TMEM41A: variants seen among roughly 807,000 people sequenced by gnomAD.
The protein encoded by TMEM41A is transmembrane protein 41A.
In TMEM41A, 20 loss-of-function variants were observed where a neutral mutation model predicts 25.7. The ratio of observed to expected loss-of-function variants is 0.78; its 90% CI spans 0.55 to 1.13. TMEM41A has a LOEUF of 1.13. TMEM41A is among the 50% of genes most tolerant of loss of function. TMEM41A has a pLI of 0.00. For missense variants in TMEM41A, 299 were observed against 314.3 expected (o/e 0.95, Z 0.37); for synonymous variants, 133 against 139.6 (o/e 0.95, Z 0.33).
chr3:185,494,409 C>G (rs1719038870), intron 4 of TMEM41A: 1 of 511,896 alleles, frequency 2.0e-6, no homozygotes, highest in Non-Finnish European at 3.2e-6. Flanking sequence ...AATGGACAAT[C>G]TTTATTTAGT....
Position 185,493,327 on chromosome 3 carries a change from A to C in TMEM41A, c.574+1296T>G, listed in dbSNP as rs1312923513. The stretch of plus-strand genomic sequence containing the variant: ...GGTCATATAATTGTCAAAGGCAAGG[A>C]GAAACTTTAGATATCGTCTAATTCA... On this transcript the variant is annotated intron_variant, in intron 4 of 4. Coordinates refer to ENST00000421852, the MANE Select transcript of TMEM41A (RefSeq NM_080652.4). The C allele has an allele frequency of 1.5e-4, 20 of 132,020 alleles. No homozygotes were observed. The Admixed American group carries it at 1.5e-3, about 10-fold the overall frequency. The allele number at this position is 132,020 out of a possible 1,614,324, so 8.2% of individuals were successfully genotyped here. A position where few individuals can be genotyped will look rare whatever the true frequency, so the allele number is the denominator to read the frequency against.
In TMEM41A at chr3:185,494,654, G is replaced by A. The variant is rs1234939765; in HGVS notation, c.543C>T (p.Pro181=). Residue 181 remains proline (P), a synonymous_variant, in exon 4 of 5, where the codon CCC becomes CCT. Coordinates refer to ENST00000421852, the MANE Select transcript of TMEM41A (RefSeq NM_080652.4). ...LNLSAPILNI[P]IVQFFFSVLI... is the part of the protein sequence containing the mutation. ...GAACTGAGAAGAAGAACTGCACGAT[G>A]GGAATGTTCAGAATTGGGGCCGAGA... is the stretch of plus-strand genomic sequence containing the variant. The A allele has an allele frequency of 2.5e-6, 4 of 1,610,544 alleles. No individual in the cohort carries two copies. Among genetic ancestry groups the A allele is most frequent in the East Asian group, 4.5e-5 (2 of 44,756 alleles).
intron 4 of TMEM41A, 155 bp downstream of exon 4, chr3:185,494,468 A>G (rs944890075): frequency 1.1e-6 from 1 of 887,106 alleles, no homozygotes; most frequent in African/African-American, 1.7e-5. Flanking sequence ...GCAGATCTGA[A>G]ATCAGGAATC....
rs1227970426 is a variant in TMEM41A at position 185,490,488 on chromosome 3, C to G, written c.*1049G>C. The G allele has an allele frequency of 6.6e-6, 1 of 152,226 alleles. No homozygotes were observed. The highest frequency in any genetic ancestry group is 2.4e-5 in the African/African-American group (1 of 41,460). 9.4% of individuals were successfully genotyped at this position (152,226 alleles called of 1,614,324 possible). A position where few individuals can be genotyped will look rare whatever the true frequency, so the allele number is the denominator to read the frequency against. ...CAGATGGGTAAGAATTTCTCCAGAA[C>G]ATATCCATGACATACAGCGTTTGCT... On this transcript the variant is annotated 3_prime_UTR_variant, in exon 5 of 5. Transcript: ENST00000421852.
chr3:185,498,924 C>A lies in TMEM41A; in HGVS notation c.38G>T (p.Gly13Val). ...PLLGLLLVFA[G>V]CTFALYLLST... ...CAGCAAGTACAAGGCGAAGGTGCAG[C>A]CGGCGAAGACCAGAAGGAGGCCGAG... Residue 13 changes from glycine to valine, a missense_variant, in exon 1 of 5, where the codon GGC becomes GTC. Gly to Val is a moderately radical substitution (Grantham distance 109). Transcript: ENST00000421852. The A allele has an allele frequency of 6.2e-7, 1 of 1,604,582 alleles. No homozygotes were observed.
In TMEM41A at chr3:185,489,984, G is replaced by A. The variant is rs945474964; in HGVS notation, c.*1553C>T. The A allele has an allele frequency of 9.2e-5, 14 of 152,164 alleles. No individual in the cohort carries two copies. The highest frequency in any genetic ancestry group is 3.4e-4 in the African/African-American group (14 of 41,438). 9.4% of individuals were successfully genotyped at this position (152,164 alleles called of 1,614,324 possible). A position where few individuals can be genotyped will look rare whatever the true frequency, so the allele number is the denominator to read the frequency against. The stretch of plus-strand genomic sequence containing the variant: ...CCCAAGAATTCATGTAGAACAAGAG[G>A]CATAGATTAAAGTCTTGGCAAGACT... On this transcript the variant is annotated 3_prime_UTR_variant, in exon 5 of 5. Transcript: ENST00000421852.
intron 4 of TMEM41A, 42 bp from the exon 5 acceptor site, chr3:185,491,799 C>A: frequency 6.2e-6 from 9 of 1,456,776 alleles, no homozygotes; most frequent in African/African-American, 1.4e-5. Flanking sequence ...CAAGCAGCAG[C>A]AAAATTAAGA....
chr3:185,498,616 C>CCA, intron 1 of TMEM41A: 1 of 510,484 alleles, frequency 2.0e-6, no homozygotes, highest in South Asian at 2.6e-5. Context: ...GCAGCCAGCA[C>CCA]CACACAGGTC....
chr3:185,498,087 C>T (rs1264624005), intron 1 of TMEM41A, among the ~76,000 whole-genome samples: 1 of 108,704 alleles, frequency 9.2e-6, no homozygotes, highest in African/African-American at 3.5e-5. Context: ...TGAGACCCCC[C>T]CCCCGCGTCC....
intron 3 of TMEM41A, 121 bp from the exon 4 acceptor site, chr3:185,494,882 C>T (rs866961175): frequency 1.6e-6 from 2 of 1,248,282 alleles, no homozygotes; most frequent in Non-Finnish European, 1.1e-6. Flanking sequence ...CTTCCAACAA[C>T]CCTCCAGGGA....
intron 2 of TMEM41A, 158 bp from the exon 3 acceptor site, chr3:185,495,473 C>T: frequency 1.4e-6 from 1 of 695,800 alleles, no homozygotes; most frequent in African/African-American, 1.8e-5. Context: ...CAGGATCTCG[C>T]TCTGTCACCC....
chr3:185,497,068 T>C, intron 1 of TMEM41A, 87 bp from the exon 2 acceptor site: 4 of 1,471,774 alleles, frequency 2.7e-6, no homozygotes, highest in Non-Finnish European at 3.6e-6. Flanking sequence ...CTTTTCAGAG[T>C]AGGTTTATAA....
At chr3:185,491,873 C>G in intron 4 of TMEM41A, 116 bp from the exon 5 acceptor site, 1 of 681,756 alleles carries the variant, frequency 1.5e-6, no homozygotes, top group Non-Finnish European at 2.4e-6. Flanking sequence ...GACTCTTGAC[C>G]CTTATACATA....
rs1401385319 is a variant in TMEM41A, at chr3:185,494,696, T to G, written c.501A>C (p.Pro167=). 4.3e-6 allele frequency: 7 copies of G among 1,613,026 alleles called. No homozygotes were observed. Among genetic ancestry groups the G allele is most frequent in the Middle Eastern group, 1.6e-4 (1 of 6,080 alleles). ...LLFLRLFPMT[P]NWFLNLSAPI... ...GGGCCGAGAGGTTCAAGAACCAGTT[T>G]GGTGTCATGGGGAAAAGTCTCAAAA... The change falls in exon 4 of 5, where the codon CCA becomes CCC. Residue 167 remains proline, a synonymous_variant. Transcript: ENST00000421852.
In TMEM41A at chr3:185,498,915, A is replaced by G; in HGVS notation, c.47T>C (p.Phe16Ser). The change falls in exon 1 of 5, where the codon TTC becomes TCC. Residue 16 changes from phenylalanine (F) to serine (S), a missense_variant. Coordinates refer to ENST00000421852, the MANE Select transcript of TMEM41A (RefSeq NM_080652.4). ...TCGCGTCGACAGCAAGTACAAGGCG[A>G]AGGTGCAGCCGGCGAAGACCAGAAG... is the stretch of plus-strand genomic sequence containing the variant. ...GLLLVFAGCT[F>S]ALYLLSTRLP... The G allele has an allele frequency of 6.2e-7, 1 of 1,606,134 alleles. No homozygotes were observed. The highest frequency in any genetic ancestry group is 8.5e-7 in the Non-Finnish European group (1 of 1,177,016).
intron 1 of TMEM41A, 35 bp downstream of exon 1, chr3:185,498,789 GTCCTCGGACCCGGCTCCCT>G: frequency 3.7e-6 from 5 of 1,341,838 alleles, no homozygotes; most frequent in Non-Finnish European, 5.1e-6. Flanking sequence ...CCCAGCCCCG[GTCCTCGGACCCGGCTCCCT>G]TCCTCTGACC....
intron 2 of TMEM41A, chr3:185,496,536 G>A (rs933159466): frequency 2.3e-6 from 1 of 436,332 alleles, no homozygotes; most frequent in Non-Finnish European, 4.3e-6. Context: ...TCTTGGACAT[G>A]TTTGCTTTTC....
chr3:185,492,121 G>A (rs556543139), intron 4 of TMEM41A, among the ~76,000 whole-genome samples: 104 of 152,216 alleles, frequency 6.8e-4, no homozygotes, highest in Non-Finnish European at 1.2e-3. Flanking sequence ...GGCCAACATG[G>A]TGAAACCCCG....
intron 4 of TMEM41A, 55 bp downstream of exon 4, chr3:185,494,568 C>A: frequency 1.3e-6 from 2 of 1,497,648 alleles, no homozygotes; most frequent in South Asian, 1.5e-5. Flanking sequence ...TAACCCAGGG[C>A]AGACCCCCAG....
Sources: gnomAD v4.1 joint callset for allele counts (sites outside exome capture counted in the v4.1 genomes callset) on GRCh38, gnomAD v4.1.1 for gene constraint, MANE v1.5 for transcripts, NCBI Gene and HGNC (gene_info 2026-07-23, HGNC 2026-07-21) for gene names.